The following VPS37A variants were observed in gnomAD, a reference collection of about 807,000 sequenced individuals.
VPS37A encodes vacuolar protein sorting-associated protein 37A.
VPS37A carries 30 observed loss-of-function variants against 49.8 expected under a neutral mutation model. The ratio of observed to expected loss-of-function variants is 0.60; its 90% CI spans 0.45 to 0.82. VPS37A has a LOEUF of 0.82. VPS37A is among the 40% of genes least tolerant of loss of function. The pLI is 0.00. For synonymous variants in VPS37A, 195 were observed against 160.6 expected, an observed-to-expected ratio of 1.21 and a Z score of -1.62; for missense variants, 593 against 464.4, an observed-to-expected ratio of 1.28 and a Z score of -2.55.
intron 1 of VPS37A, chr8:17,247,709 C>G (rs1484512001): frequency 2.8e-6 from 2 of 702,704 alleles, no homozygotes; most frequent in South Asian, 3.0e-5. Flanking sequence ...TTCCCTTTGC[C>G]CACCTGATTG....
At chr8:17,255,045 T>A (rs1375976531) in intron 1 of VPS37A, among the ~76,000 whole-genome samples, 1 of 152,236 alleles carries the variant, frequency 6.6e-6, no homozygotes, top group African/African-American at 2.4e-5. Context: ...CATCACACTG[T>A]ATGCTCATTC....
intron 2 of VPS37A, among the ~76,000 whole-genome samples, chr8:17,267,909 G>A (rs1208311290): frequency 6.6e-6 from 1 of 152,142 alleles, no homozygotes; most frequent in African/African-American, 2.4e-5. Context: ...GACTGGACTA[G>A]TATGGTTCAC....
At chr8:17,319,231 T>G in the VPS37A span, among the ~76,000 whole-genome samples, 1 of 152,210 alleles carries the variant, frequency 6.6e-6, no homozygotes, top group Non-Finnish European at 1.5e-5. Context: ...TTACTGAGCC[T>G]CGCTGTCTTC....
At chr8:17,326,328 G>A in the VPS37A span, 1 of 152,190 alleles carries the variant, frequency 6.6e-6, no homozygotes, top group African/African-American at 2.4e-5. Context: ...CAACTTCAAT[G>A]AGGTTTACTT....
the VPS37A span, among the ~76,000 whole-genome samples, chr8:17,312,346 G>A: frequency 3.7e-4 from 56 of 152,120 alleles, 2 homozygotes; most frequent in Admixed American, 3.0e-3. Context: ...AGGCCGTGGC[G>A]GGTGGATCAC....
chr8:17,274,977 C>A lies in VPS37A; in HGVS notation c.642+19C>A. On this transcript the variant is annotated intron_variant, in intron 5 of 11. Coordinates refer to ENST00000324849, the MANE Select transcript of VPS37A (RefSeq NM_152415.3). ...AATACCGGTTGGTATCGTCAGTTAT[C>A]TATATTTTGTGCCACTGAAACATTC... The A allele has an allele frequency of 6.2e-7, 1 of 1,605,208 alleles. No homozygotes were observed. The highest frequency in any genetic ancestry group is 8.5e-7 in the Non-Finnish European group (1 of 1,172,398).
At chr8:17,249,480 A>T (rs1811770931) in intron 1 of VPS37A, among the ~76,000 whole-genome samples, 1 of 152,206 alleles carries the variant, frequency 6.6e-6, no homozygotes, top group African/African-American at 2.4e-5. Context: ...GTTCTTTTAT[A>T]AAAACACTTG....
At chr8:17,313,929 T>C in the VPS37A span, among the ~76,000 whole-genome samples, 83 of 152,264 alleles carry the variant, frequency 5.5e-4, no homozygotes, top group Middle Eastern at 6.8e-3. Flanking sequence ...CCCCACCCAA[T>C]GGGAGTAAGG....
At chr8:17,269,081 C>A in intron 4 of VPS37A, 125 bp downstream of exon 4, 1 of 653,246 alleles carries the variant, frequency 1.5e-6, no homozygotes, top group Admixed American at 3.5e-5. Context: ...ACAAATACAT[C>A]CATACTTTCA....
chr8:17,313,477 GTTTGTTAATGATTCC>G, the VPS37A span: 1 of 904,502 alleles, frequency 1.1e-6, no homozygotes, highest in Non-Finnish European at 1.7e-6. Flanking sequence ...TTTATAGGTA[GTTTGTTAATGATTCC>G]TTTGTTGTAT....
At chr8:17,254,795 A>G (rs1563238765) in intron 1 of VPS37A, among the ~76,000 whole-genome samples, 1 of 152,156 alleles carries the variant, frequency 6.6e-6, no homozygotes, top group Non-Finnish European at 1.5e-5. Flanking sequence ...CAAGTACCCC[A>G]TAAATATGTA....
At chr8:17,302,996 C>G (rs1248644505), downstream of VPS37A, among the ~76,000 whole-genome samples, 1 of 152,024 alleles carries the variant, frequency 6.6e-6, no homozygotes, top group Non-Finnish European at 1.5e-5. Context: ...TAGGCGGGAG[C>G]CACCACGCCT....
intron 6 of VPS37A, 27 bp downstream of exon 6, chr8:17,276,494 C>A (rs1814525586): frequency 1.3e-6 from 2 of 1,588,612 alleles, no homozygotes; most frequent in Non-Finnish European, 1.7e-6. Context: ...AAGTTGGTCA[C>A]ATTGTCTATT....
At chr8:17,305,723 A>G (rs1586141353), downstream of VPS37A, 2 of 1,545,438 alleles carry the variant, frequency 1.3e-6, no homozygotes, top group South Asian at 1.2e-5. Flanking sequence ...ATCTTTAAAT[A>G]AAAGTTAAAC....
At chr8:17,262,967 A>C (rs972114201) in intron 1 of VPS37A, among the ~76,000 whole-genome samples, 1 of 151,808 alleles carries the variant, frequency 6.6e-6, no homozygotes, top group Non-Finnish European at 1.5e-5. Context: ...AGACTGAGGC[A>C]GGAGAATCGG....
rs1005101293 is a variant in VPS37A at position 17,297,945 on chromosome 8, A to C, written c.*2959A>C. 9 of 152,128 alleles carry C rather than the reference A, an allele frequency of 5.9e-5. No homozygotes were observed. The highest frequency in any genetic ancestry group is 2.2e-4 in the African/African-American group (9 of 41,472). 9.4% of individuals were successfully genotyped at this position (152,128 alleles called of 1,614,324 possible). A position where few individuals can be genotyped will look rare whatever the true frequency, so the allele number is the denominator to read the frequency against. On this transcript the variant is annotated 3_prime_UTR_variant, in exon 12 of 12. Coordinates refer to ENST00000324849, the MANE Select transcript of VPS37A (RefSeq NM_152415.3). The stretch of plus-strand genomic sequence containing the variant: ...TTATGACTCTGATATGGAAGTTGTC[A>C]TATTAAAAAACTACATTTTAAAACA...
chr8:17,272,151 C>T (rs181334505), intron 4 of VPS37A: 12 of 451,094 alleles, frequency 2.7e-5, no homozygotes, highest in Non-Finnish European at 4.0e-5. Context: ...TGACCATCTG[C>T]TCAAAGGCCC....
At chr8:17,299,744 A>G (rs1816976802), downstream of VPS37A, 1 of 1,420,446 alleles carries the variant, frequency 7.0e-7, no homozygotes, top group Non-Finnish European at 9.6e-7. Flanking sequence ...TCATAGCTGC[A>G]TTAAAGTAGT....
chr8:17,332,510 A>AG, the VPS37A span, among the ~76,000 whole-genome samples: 1 of 152,232 alleles, frequency 6.6e-6, no homozygotes, highest in African/African-American at 2.4e-5. Context: ...CAGCAGACAG[A>AG]CAGATGCTCT....
Sources: allele counts gnomAD v4.1 joint callset (sites outside exome capture counted in the v4.1 genomes callset), GRCh38; gene constraint gnomAD v4.1.1; transcripts MANE v1.5; gene names NCBI Gene and HGNC (gene_info 2026-07-23, HGNC 2026-07-21).